PRKAA2: variants seen among roughly 807,000 people sequenced by gnomAD.
PRKAA2 encodes protein kinase AMP-activated catalytic subunit alpha 2.
In PRKAA2, 40 loss-of-function variants were observed where a neutral mutation model predicts 56.3. The ratio of observed to expected loss-of-function variants is 0.71; its 90% CI spans 0.55 to 0.92. PRKAA2 has a LOEUF of 0.92. Among genes scored for constraint, PRKAA2 ranks in the 40% least tolerant of loss-of-function variants. PRKAA2 has a pLI of 0.00. For missense variants in PRKAA2, 542 were observed against 686.9 expected (o/e 0.79, Z 2.36); for synonymous variants, 214 against 234.2 (o/e 0.91, Z 0.79).
chr1:56,663,354 T>C lies in PRKAA2; in HGVS notation c.95-11027T>C, dbSNP rs80278084. ...CCTCTCGCCCCTGTTTCCCAAAGTG[T>C]TGGGATTCACAGGTGTGAGCCACTG... is the stretch of plus-strand genomic sequence containing the variant. On this transcript the variant is annotated intron_variant, in intron 1 of 8. Coordinates refer to ENST00000371244, the MANE Select transcript of PRKAA2 (RefSeq NM_006252.4). Among the ~76,000 whole-genome samples the C allele has an allele frequency of 1.8e-4, 27 of 152,300 alleles. No homozygotes were observed. The East Asian group carries it at 5.0e-3, about 28-fold the overall frequency.
chr1:56,691,178 G>GA (rs1177614269), intron 2 of PRKAA2, among the ~76,000 whole-genome samples: 1 of 152,204 alleles, frequency 6.6e-6, no homozygotes, highest in African/African-American at 2.4e-5. Context: ...ACTTGAAAGG[G>GA]AGGATCTAAA....
intron 1 of PRKAA2, among the ~76,000 whole-genome samples, chr1:56,646,725 C>A (rs1367105465): frequency 6.6e-6 from 1 of 152,086 alleles, no homozygotes; most frequent in Non-Finnish European, 1.5e-5. Flanking sequence ...TTGTAAAATT[C>A]ATATTTTAAC....
Position 56,707,811 on chromosome 1 carries a change from T to A in PRKAA2, c.*98T>A. The stretch of plus-strand genomic sequence containing the variant: ...GGATAATATCCACTGCAATACTAAT[T>A]GAGAAACATGAATTATTTCCAGGGG... On this transcript the variant is annotated 3_prime_UTR_variant, in exon 9 of 9. Coordinates refer to ENST00000371244, the MANE Select transcript of PRKAA2 (RefSeq NM_006252.4). The A allele has an allele frequency of 9.2e-7, 1 of 1,088,174 alleles. No individual in the cohort carries two copies. The highest frequency in any genetic ancestry group is 2.4e-5 in the East Asian group (1 of 42,040). The allele number at this position is 1,088,174 out of a possible 1,614,324, so 67.4% of individuals were successfully genotyped here.
chr1:56,684,556 G>C lies in PRKAA2; in HGVS notation c.237-6838G>C, dbSNP rs1364107344. Among the ~76,000 whole-genome samples, 3 of 152,124 alleles carry C rather than the reference G, an allele frequency of 2.0e-5. No individual in the cohort carries two copies. In the East Asian group the frequency reaches 5.8e-4, roughly 29 times the overall value. On this transcript the variant is annotated intron_variant, in intron 2 of 8. Coordinates refer to ENST00000371244, the MANE Select transcript of PRKAA2 (RefSeq NM_006252.4). ...AGAGAATGAAAATGATCAGTGAGGT[G>C]GGAGGAAAATTAGGGGAATCGGGTA...
rs11206893 is a variant in PRKAA2 at position 56,657,190 on chromosome 1, A to G, written c.94+11709A>G. ...CAGAAATGGGAAAAAAATGTTGAGA[A>G]TATCTTAAAAGCAGCCAGGGGGTGG... On this transcript the variant is annotated intron_variant, in intron 1 of 8. Coordinates refer to ENST00000371244, the MANE Select transcript of PRKAA2 (RefSeq NM_006252.4). 2.9e-3 allele frequency among the ~76,000 whole-genome samples: 438 copies of G among 152,296 alleles called. 1 individual carries two copies. The highest frequency in any genetic ancestry group is 0.01 in the African/African-American group (426 of 41,550).
At chr1:56,663,735 C>A (rs1644012700) in intron 1 of PRKAA2, among the ~76,000 whole-genome samples, 1 of 152,146 alleles carries the variant, frequency 6.6e-6, no homozygotes, top group Admixed American at 6.5e-5. Flanking sequence ...TCAATTAAGG[C>A]ATGAACAATA....
intron 2 of PRKAA2, among the ~76,000 whole-genome samples, chr1:56,683,071 ATTTTTTTTTTTTTTTTT>A (rs10606990): frequency 1.4e-4 from 12 of 87,222 alleles, no homozygotes; most frequent in East Asian, 3.8e-4. Context: ...AAAGAAAGGA[ATTTTTTTTTTTTTTTTT>A]TTTTTTTTTT....
In PRKAA2 at chr1:56,710,548, G is replaced by C. The variant is rs1429402197; in HGVS notation, c.*2835G>C. ...GTCCCAGAATGCCATAATTAGGGTA[G>C]TTAATAATTAACACTTCCATTTCTC... is the stretch of plus-strand genomic sequence containing the variant. On this transcript the variant is annotated 3_prime_UTR_variant, in exon 9 of 9. Transcript: ENST00000371244. 1 of 152,134 alleles carries C rather than the reference G, an allele frequency of 6.6e-6. No homozygotes were observed. The highest frequency in any genetic ancestry group is 1.5e-5 in the Non-Finnish European group (1 of 67,990). 9.4% of individuals were successfully genotyped at this position (152,134 alleles called of 1,614,324 possible). A position where few individuals can be genotyped will look rare whatever the true frequency, so the allele number is the denominator to read the frequency against.
At chr1:56,676,370 A>G (rs772893585) in intron 2 of PRKAA2, among the ~76,000 whole-genome samples, 55 of 152,172 alleles carry the variant, frequency 3.6e-4, no homozygotes, top group Non-Finnish European at 7.1e-4. Flanking sequence ...AGAATGATAA[A>G]ATGGGAGAAG....
chr1:56,687,996 G>T (rs920044188), intron 2 of PRKAA2, among the ~76,000 whole-genome samples: 1 of 152,034 alleles, frequency 6.6e-6, no homozygotes, highest in Non-Finnish European at 1.5e-5. Context: ...TTTCTCTGCT[G>T]TACTAGGAAA....
At chr1:56,680,773 G>A in intron 2 of PRKAA2, among the ~76,000 whole-genome samples, 1 of 152,160 alleles carries the variant, frequency 6.6e-6, no homozygotes, top group South Asian at 2.1e-4. Context: ...GGACATTTGG[G>A]TTGGTTACAA....
chr1:56,707,691 TGATTACTACTTTAGCCC>T lies in PRKAA2; in HGVS notation c.1639_1655del (p.Ile547LeufsTer5). 6.2e-7 allele frequency: 1 copy of T among 1,602,654 alleles called. No individual in the cohort carries two copies. The highest frequency in any genetic ancestry group is 8.6e-7 in the Non-Finnish European group (1 of 1,169,504). On this transcript the variant is annotated frameshift_variant, in exon 9 of 9. Transcript: ENST00000371244. LOFTEE classifies it high-confidence loss of function. ...GATTTTTTTGAAATGTGTGCCAGTC[TGATTACTACTTTAGCCC>T]GTTGATCTGTCTCTAGTTTCTTTCT...
intron 5 of PRKAA2, among the ~76,000 whole-genome samples, chr1:56,695,204 T>TATATATATATATATACATA (rs559299252): frequency 7.2e-6 from 1 of 139,710 alleles, no homozygotes; most frequent in African/African-American, 2.5e-5. Context: ...ATATATATAT[T>TATATATATATATATACATA]TTTTGTTTTG....
intron 2 of PRKAA2, among the ~76,000 whole-genome samples, chr1:56,682,153 G>T (rs978327899): frequency 7.9e-5 from 12 of 152,098 alleles, no homozygotes; most frequent in African/African-American, 2.4e-4. Flanking sequence ...CCTACTATGG[G>T]TTGGGTGCTG....
intron 1 of PRKAA2, among the ~76,000 whole-genome samples, chr1:56,656,244 T>G (rs1288684091): frequency 6.6e-6 from 1 of 152,274 alleles, no homozygotes; most frequent in South Asian, 2.1e-4. Context: ...AAGACACATA[T>G]GAGAACACAG....
intron 2 of PRKAA2, among the ~76,000 whole-genome samples, chr1:56,679,411 C>T (rs978802220): frequency 3.3e-5 from 5 of 152,178 alleles, no homozygotes; most frequent in Admixed American, 3.3e-4. Flanking sequence ...TTTTCTCTCT[C>T]TTCCAAATTT....
rs868044516 is a variant in PRKAA2, at chr1:56,655,284, T to A, written c.94+9803T>A. Among the ~76,000 whole-genome samples the A allele has an allele frequency of 9.9e-3, 514 of 51,918 alleles. 4 individuals carry two copies. The highest frequency in any genetic ancestry group is 0.02 in the South Asian group (28 of 1,376). 34.1% of individuals were successfully genotyped at this position (51,918 alleles called of 152,430 possible). A position where few individuals can be genotyped will look rare whatever the true frequency, so the allele number is the denominator to read the frequency against. On this transcript the variant is annotated intron_variant, in intron 1 of 8. Transcript: ENST00000371244. ...TTTATATATCTATATATATATATTT[T>A]TTTTTTTTTTTTGTAGAGACAGGGT...
rs1479911022 is a variant in PRKAA2, at chr1:56,710,553, T to C, written c.*2840T>C. The C allele has an allele frequency of 6.6e-6, 1 of 152,156 alleles. No homozygotes were observed. Among genetic ancestry groups the C allele is most frequent in the Non-Finnish European group, 1.5e-5 (1 of 67,990 alleles). 9.4% of individuals were successfully genotyped at this position (152,156 alleles called of 1,614,324 possible). On this transcript the variant is annotated 3_prime_UTR_variant, in exon 9 of 9. Coordinates refer to ENST00000371244, the MANE Select transcript of PRKAA2 (RefSeq NM_006252.4). Reference sequence around the variant, plus strand: ...AGAATGCCATAATTAGGGTAGTTAATAATTAACACTTCCATTTCTCTTACT... The same window carrying C: ...AGAATGCCATAATTAGGGTAGTTAACAATTAACACTTCCATTTCTCTTACT...
intron 6 of PRKAA2, 96 bp downstream of exon 6, chr1:56,696,255 C>A: frequency 9.0e-7 from 1 of 1,117,308 alleles, no homozygotes; most frequent in Non-Finnish European, 1.3e-6. Flanking sequence ...CTGCCCTCAC[C>A]ACCTCACCCC....
Sources: gnomAD v4.1 joint callset for allele counts (sites outside exome capture counted in the v4.1 genomes callset) on GRCh38, gnomAD v4.1.1 for gene constraint, MANE v1.5 for transcripts, NCBI Gene and HGNC (gene_info 2026-07-23, HGNC 2026-07-21) for gene names.